Variants in OTOG observed in about 807,000 individuals in gnomAD.
OTOG encodes the protein otogelin.
A neutral mutation model predicts 313.8 loss-of-function variants in OTOG; 296 were observed. That is an observed-to-expected ratio of 0.94 (90% confidence interval 0.86 to 1.04). The LOEUF (loss-of-function observed/expected upper bound fraction) is 1.04, where lower values mean the gene tolerates loss of function less well. Ranked by LOEUF, OTOG falls within the 50% of genes least tolerant of loss-of-function variation. OTOG has a pLI of 0.00. For missense variants in OTOG, 3,948 were observed against 3,840.1 expected, an observed-to-expected ratio of 1.03 and a Z score of -0.74; for synonymous variants, 1,533 against 1,554.9, an observed-to-expected ratio of 0.99 and a Z score of 0.33.
chr11:17,590,202 C>G (rs1041948207), intron 24 of OTOG, among the ~76,000 whole-genome samples: 1 of 152,182 alleles, frequency 6.6e-6, no homozygotes, highest in Non-Finnish European at 1.5e-5. Context: ...GCCTACTTGA[C>G]ATCACCATAC....
In OTOG at chr11:17,628,445, C is replaced by A. The variant is rs567523847; in HGVS notation, c.6529-688C>A. On this transcript the variant is annotated intron_variant, in intron 39 of 55. Coordinates refer to ENST00000399397, the MANE Select transcript of OTOG (RefSeq NM_001292063.2). ...TTCAGTGTAAAACTATTGTAATAAC[C>A]CATGGTACATCCAAATTTAACCTTG... Among the ~76,000 whole-genome samples the A allele has an allele frequency of 3.1e-4, 47 of 151,844 alleles. No individual in the cohort carries two copies. In the South Asian group the frequency reaches 5.4e-3, roughly 18 times the overall value.
intron 54 of OTOG, among the ~76,000 whole-genome samples, chr11:17,644,992 A>G (rs1040340972): frequency 3.3e-5 from 5 of 152,236 alleles, no homozygotes. Context: ...GGCATGGTCC[A>G]GGCAGAGGAA....
intron 46 of OTOG, 114 bp from the exon 47 acceptor site, chr11:17,635,496 A>C: frequency 1.3e-6 from 1 of 769,950 alleles, no homozygotes; most frequent in Non-Finnish European, 2.2e-6. Context: ...TGCTGCCATT[A>C]GTTAGCTCCT....
chr11:17,627,086 A>G (rs1854001798), intron 39 of OTOG, among the ~76,000 whole-genome samples: 2 of 152,282 alleles, frequency 1.3e-5, no homozygotes, highest in East Asian at 3.9e-4. Flanking sequence ...AACTTCTTCC[A>G]TTCCAATTTC....
rs759479112 is a variant in OTOG, at chr11:17,609,655, G to T, written c.4355G>T (p.Cys1452Phe). The T allele has an allele frequency of 1.0e-5, 15 of 1,486,438 alleles. No homozygotes were observed. In the Admixed American group the frequency reaches 2.6e-4, roughly 26 times the overall value. The allele number at this position is 1,486,438 out of a possible 1,614,324, so 92.1% of individuals were successfully genotyped here. The change falls in exon 36 of 56, where the codon TGT (cysteine) becomes TTT (phenylalanine). Residue 1452 changes from cysteine (C) to phenylalanine (F), a missense_variant and splice_region_variant. Cys to Phe is a radical substitution (Grantham distance 205). Transcript: ENST00000399397. The stretch of plus-strand genomic sequence containing the variant: ...TGAACCTCTTCTTTTGTCTCCGCAG[G>T]TGTGGAGCCAGCAGTTTGGGTTCCC... ...VTQRCVYLEDCVEPAVWVPTE... is the reference protein window; with the variant it reads ...VTQRCVYLEDFVEPAVWVPTE...
In OTOG at chr11:17,552,177, G is replaced by T. The variant is rs995177013; in HGVS notation, c.292+102G>T. On this transcript the variant is annotated intron_variant, in intron 4 of 55. Coordinates refer to ENST00000399397, the MANE Select transcript of OTOG (RefSeq NM_001292063.2). The stretch of plus-strand genomic sequence containing the variant: ...GGTGGGGCTTCCCTCAGGCCTCCAT[G>T]ACCCCTTTTTCCTGCTTGGCATCTC... 1.0e-5 allele frequency: 12 copies of T among 1,182,854 alleles called. No homozygotes were observed. In the African/African-American group the frequency reaches 1.8e-4, roughly 18 times the overall value. The allele number at this position is 1,182,854 out of a possible 1,614,324, so 73.3% of individuals were successfully genotyped here. A position where few individuals can be genotyped will look rare whatever the true frequency, so the allele number is the denominator to read the frequency against.
chr11:17,636,186 A>G (rs984210066), intron 47 of OTOG, among the ~76,000 whole-genome samples: 5 of 152,142 alleles, frequency 3.3e-5, no homozygotes, highest in African/African-American at 1.2e-4. Context: ...CAATATTTTT[A>G]TAGGGCCTGG....
In OTOG at chr11:17,547,589, G is replaced by A. The variant is rs1258116208; in HGVS notation, c.94+123G>A. The A allele has an allele frequency of 7.1e-6, 9 of 1,270,050 alleles. No individual in the cohort carries two copies. The South Asian group carries it at 1.8e-4, about 26-fold the overall frequency. 78.7% of individuals were successfully genotyped at this position (1,270,050 alleles called of 1,614,324 possible). A position where few individuals can be genotyped will look rare whatever the true frequency, so the allele number is the denominator to read the frequency against. ...AAGAGAGGTTTGAGGGAGAGCAGAG[G>A]GACACCCAGGAGGAGCAGTCAGGGG... On this transcript the variant is annotated intron_variant, in intron 1 of 55. Coordinates refer to ENST00000399397, the MANE Select transcript of OTOG (RefSeq NM_001292063.2).
Position 17,632,117 on chromosome 11 carries a change from G to A in OTOG, c.6963G>A (p.Trp2321Ter). ...FVPPESFCEL[W>*]IRDTKYVQQP... ...CTCCGGAGTCATTCTGTGAGCTGTG[G>A]ATCCGGGACACCAAGTACGTGCAGC... The change falls in exon 42 of 56, where the codon TGG becomes TGA. Residue 2321 changes from tryptophan to a stop codon, truncating the protein, a stop_gained. Transcript: ENST00000399397. LOFTEE classifies it high-confidence loss of function. 1.3e-6 allele frequency: 2 copies of A among 1,551,046 alleles called. No individual in the cohort carries two copies. Among genetic ancestry groups the A allele is most frequent in the Non-Finnish European group, 1.7e-6 (2 of 1,147,008 alleles).
intron 23 of OTOG, among the ~76,000 whole-genome samples, chr11:17,580,422 A>C (rs1215509911): frequency 6.6e-6 from 1 of 152,200 alleles, no homozygotes; most frequent in Non-Finnish European, 1.5e-5. Context: ...TTTGCAAATA[A>C]CCTCCCTGAG....
chr11:17,634,060 C>T lies in OTOG; in HGVS notation c.7268-9C>T. The stretch of plus-strand genomic sequence containing the variant: ...TCAGTCCCTCGCACCCTGCCATTCC[C>T]CTCTGCAGCCTGCACTGACAGCATG... On this transcript the variant is annotated splice_polypyrimidine_tract_variant and intron_variant, in intron 43 of 55. Transcript: ENST00000399397. 6.5e-7 allele frequency: 1 copy of T among 1,541,998 alleles called. No individual in the cohort carries two copies. The highest frequency in any genetic ancestry group is 1.2e-5 in the South Asian group (1 of 83,902).
At chr11:17,608,067 C>T (rs1226636797) in intron 33 of OTOG, among the ~76,000 whole-genome samples, 1 of 152,200 alleles carries the variant, frequency 6.6e-6, no homozygotes, top group Admixed American at 6.5e-5. Context: ...CTCAGTCCTT[C>T]CCTGTCCTCA....
chr11:17,604,726 G>A (rs1290912130), intron 32 of OTOG, among the ~76,000 whole-genome samples: 1 of 152,240 alleles, frequency 6.6e-6, no homozygotes, highest in Non-Finnish European at 1.5e-5. Flanking sequence ...AACAGGGCCT[G>A]GCCCACAGCA....
chr11:17,597,123 C>G, intron 30 of OTOG, 116 bp downstream of exon 30: 1 of 1,306,120 alleles, frequency 7.7e-7, no homozygotes, highest in Non-Finnish European at 1.0e-6. Context: ...GTACCAAGCA[C>G]CAACTGCTTT....
intron 39 of OTOG, among the ~76,000 whole-genome samples, chr11:17,614,211 A>G (rs944234316): frequency 6.6e-6 from 1 of 152,072 alleles, no homozygotes; most frequent in Non-Finnish European, 1.5e-5. Context: ...AGGTGGGCAA[A>G]GGGTACTGAT....
At chr11:17,559,006 G>T in intron 10 of OTOG, 46 bp from the exon 11 acceptor site, 2 of 1,439,736 alleles carry the variant, frequency 1.4e-6, no homozygotes, top group Non-Finnish European at 1.9e-6. Flanking sequence ...TGGGCTGGTG[G>T]CACTTTGGGT....
chr11:17,570,535 A>T, intron 17 of OTOG, 145 bp downstream of exon 17: 1 of 780,254 alleles, frequency 1.3e-6, no homozygotes. Flanking sequence ...TCTACATTTA[A>T]ATTTAATTAT....
rs139382048 is a variant in OTOG at position 17,642,185 on chromosome 11, G to A, written c.8354G>A (p.Gly2785Asp). ...ARHHCSSTPL[G>D]AVLVRSPISC... ...CACCACTGCAGCAGCACGCCCCTGG[G>A]TGCCGTGCTGGTCCGCTCTCCCATA... Residue 2785 changes from glycine (G) to aspartate (D), a missense_variant, in exon 53 of 56, where the codon GGT becomes GAT. By Grantham distance (94) the Gly-to-Asp change is moderately conservative. Coordinates refer to ENST00000399397, the MANE Select transcript of OTOG (RefSeq NM_001292063.2). 63 of 1,550,230 alleles carry A rather than the reference G, an allele frequency of 4.1e-5. No individual in the cohort carries two copies. In the Admixed American group the frequency reaches 1.1e-3, roughly 27 times the overall value.
intron 18 of OTOG, 91 bp downstream of exon 18, chr11:17,572,295 G>A (rs1852422622): frequency 6.7e-7 from 1 of 1,491,734 alleles, no homozygotes; most frequent in Middle Eastern, 2.0e-4. Context: ...GGGCAGGAGA[G>A]TGCTGGCCAA....
Sources: allele counts gnomAD v4.1 joint callset (sites outside exome capture counted in the v4.1 genomes callset), GRCh38; gene constraint gnomAD v4.1.1; transcripts MANE v1.5; gene names NCBI Gene and HGNC (gene_info 2026-07-23, HGNC 2026-07-21).